MAP3K13: variants seen among roughly 807,000 people sequenced by gnomAD.
The protein encoded by MAP3K13 is leucine zipper-bearing kinase.
Under a neutral mutation model 104.0 loss-of-function variants are expected in MAP3K13, and 52 were observed. The ratio of observed to expected loss-of-function variants is 0.50; its 90% CI spans 0.40 to 0.63. MAP3K13 has a LOEUF of 0.63. Among genes scored for constraint, MAP3K13 ranks in the 20% least tolerant of loss-of-function variants. MAP3K13 has a pLI of 0.00. For missense variants in MAP3K13, 914 were observed against 1,218.5 expected (o/e 0.75, Z 3.72); for synonymous variants, 394 against 442.2 (o/e 0.89, Z 1.37).
chr3:185,468,302 T>C (rs1717578216), intron 10 of MAP3K13, among the ~76,000 whole-genome samples: 2 of 152,228 alleles, frequency 1.3e-5, no homozygotes, highest in South Asian at 4.1e-4. Context: ...AGTTTAAATA[T>C]GATAACATGT....
chr3:185,400,808 GTTT>G (rs35104274), intron 1 of MAP3K13, among the ~76,000 whole-genome samples: 20 of 132,276 alleles, frequency 1.5e-4, no homozygotes, highest in South Asian at 1.2e-3. Context: ...GCTGCTAGGT[GTTT>G]TTTTTTTTTT....
At chr3:185,349,120 C>G (rs1723042744) in intron 2 of MAP3K13, among the ~76,000 whole-genome samples, 1 of 151,216 alleles carries the variant, frequency 6.6e-6, no homozygotes, top group Non-Finnish European at 1.5e-5. Context: ...TCCATTTCTA[C>G]TTATTCTTTT....
chr3:185,344,102 T>C (rs1244774352), intron 2 of MAP3K13, among the ~76,000 whole-genome samples: 1 of 152,252 alleles, frequency 6.6e-6, no homozygotes, highest in African/African-American at 2.4e-5. Context: ...GGCCCTTTGC[T>C]AGATGCTACC....
chr3:185,341,109 TC>T (rs552729749), intron 2 of MAP3K13, among the ~76,000 whole-genome samples: 4 of 151,944 alleles, frequency 2.6e-5, no homozygotes, highest in Non-Finnish European at 5.9e-5. Context: ...CCAAATAGTG[TC>T]CCCCCAAAAT....
chr3:185,417,706 G>A, intron 1 of MAP3K13: 2 of 1,612,614 alleles, frequency 1.2e-6, no homozygotes, highest in African/African-American at 1.3e-5. Context: ...TAGTGCTGCT[G>A]CTGCAGCAGC....
In MAP3K13 at chr3:185,487,949, CA is replaced by C. The variant is rs2148936298; in HGVS notation, c.*5494del. On this transcript the variant is annotated 3_prime_UTR_variant, in exon 14 of 14. Transcript: ENST00000265026. ...CGCACTAGTGTCCACCTGTGGCTGT[CA>C]GGGGCGGTACCACAGAAAGGGGAAA... 6.6e-6 allele frequency: 1 copy of C among 152,330 alleles called. No individual in the cohort carries two copies. Among genetic ancestry groups the C allele is most frequent in the Admixed American group, 6.5e-5 (1 of 15,308 alleles). The allele number at this position is 152,330 out of a possible 1,614,324, so 9.4% of individuals were successfully genotyped here.
At position 185,483,219 on chromosome 3, in the gene MAP3K13, G is replaced by A. The variant is rs1018497848; in HGVS notation, c.*763G>A. 1 of 232,892 alleles carries A rather than the reference G, an allele frequency of 4.3e-6. No individual in the cohort carries two copies. Among genetic ancestry groups the A allele is most frequent in the Non-Finnish European group, 8.5e-6 (1 of 117,900 alleles). 14.4% of individuals were successfully genotyped at this position (232,892 alleles called of 1,614,324 possible). On this transcript the variant is annotated 3_prime_UTR_variant, in exon 14 of 14. Transcript: ENST00000265026. ...GCTGGTTTCATTTTTAAATGTTTAA[G>A]CAGCAGTTGGTAGTGAGGTTTACAG...
chr3:185,418,076 G>C lies in MAP3K13; in HGVS notation c.-85-10421G>C, dbSNP rs1297805183. 1.5e-5 allele frequency: 24 copies of C among 1,611,712 alleles called. No individual in the cohort carries two copies. The South Asian group carries it at 1.8e-4, about 12-fold the overall frequency. Reference sequence around the variant, plus strand: ...CCAGGAGCAAGCTTCAAAATGTTCAGCTTGCTTACATTAAGCAGAGTAATT... The same window carrying C: ...CCAGGAGCAAGCTTCAAAATGTTCACCTTGCTTACATTAAGCAGAGTAATT... On this transcript the variant is annotated intron_variant, in intron 1 of 13. Coordinates refer to ENST00000265026, the MANE Select transcript of MAP3K13 (RefSeq NM_004721.5). The surrounding 1 kb of genome is among the most constrained non-coding windows in gnomAD (Gnocchi z 4.5).
chr3:185,310,029 A>G (rs976381834), intron 2 of MAP3K13, among the ~76,000 whole-genome samples: 2 of 152,208 alleles, frequency 1.3e-5, no homozygotes, highest in African/African-American at 4.8e-5. Context: ...AGGGACAAGG[A>G]TGGAGAGAGA....
chr3:185,406,886 G>T (rs1217996492), intron 1 of MAP3K13, among the ~76,000 whole-genome samples: 1 of 152,124 alleles, frequency 6.6e-6, no homozygotes, highest in Non-Finnish European at 1.5e-5. Context: ...TGCTAGGCAA[G>T]TAAAAAGGGG....
chr3:185,405,521 A>G (rs1198005183), intron 1 of MAP3K13, among the ~76,000 whole-genome samples: 1 of 152,170 alleles, frequency 6.6e-6, no homozygotes, highest in East Asian at 1.9e-4. Context: ...GGAAAATGCT[A>G]TTTATTTTCT....
chr3:185,328,365 TC>T (rs1401992331), intron 2 of MAP3K13, among the ~76,000 whole-genome samples: 1 of 152,170 alleles, frequency 6.6e-6, no homozygotes, highest in Non-Finnish European at 1.5e-5. Flanking sequence ...AAAAGGAGCC[TC>T]AGCCTCCCGA....
chr3:185,330,907 C>T (rs144446282), intron 2 of MAP3K13, among the ~76,000 whole-genome samples: 100 of 152,144 alleles, frequency 6.6e-4, no homozygotes, highest in African/African-American at 2.4e-3. Flanking sequence ...ACACATCAGA[C>T]CTGCTCTTGC....
chr3:185,397,050 A>G (rs1349982787), intron 1 of MAP3K13, among the ~76,000 whole-genome samples: 1 of 145,706 alleles, frequency 6.9e-6, no homozygotes, highest in Non-Finnish European at 1.5e-5. Flanking sequence ...TTTTTTTTTC[A>G]TGGTTTCCAG....
intron 1 of MAP3K13, among the ~76,000 whole-genome samples, chr3:185,284,425 A>G (rs1720430378): frequency 6.6e-6 from 1 of 152,170 alleles, no homozygotes; most frequent in Non-Finnish European, 1.5e-5. Context: ...TAAATGTGAT[A>G]AAGTGTGGGG....
chr3:185,465,878 T>G lies in MAP3K13; in HGVS notation c.1505+15T>G, dbSNP rs114102742. The G allele has an allele frequency of 6.5e-7, 1 of 1,548,966 alleles. No individual in the cohort carries two copies. Among genetic ancestry groups the G allele is most frequent in the Non-Finnish European group, 8.9e-7 (1 of 1,120,856 alleles). ...GAGCTCATTAAGTATGTATCCAGAC[T>G]AGTGTCTGTTCTTACTGATTTGAGT... On this transcript the variant is annotated intron_variant, in intron 9 of 13. Coordinates refer to ENST00000265026, the MANE Select transcript of MAP3K13 (RefSeq NM_004721.5).
chr3:185,406,260 C>A (rs778642161), intron 1 of MAP3K13, among the ~76,000 whole-genome samples: 36 of 152,128 alleles, frequency 2.4e-4, no homozygotes, highest in Non-Finnish European at 4.3e-4. Context: ...TAGTTCCCAG[C>A]CATTCTTTTT....
chr3:185,283,961 C>A (rs4077623), intron 1 of MAP3K13, among the ~76,000 whole-genome samples: 6 of 140,032 alleles, frequency 4.3e-5, no homozygotes, highest in Non-Finnish European at 6.1e-5. Context: ...AGTACAGTGG[C>A]GATCTCGGCT....
intron 2 of MAP3K13, among the ~76,000 whole-genome samples, chr3:185,305,251 A>G (rs1390155366): frequency 6.6e-6 from 1 of 151,732 alleles, no homozygotes; most frequent in Non-Finnish European, 1.5e-5. Context: ...ATGCTTTGAC[A>G]CCTTTCTCAC....
Sources: gnomAD v4.1 joint callset for allele counts (sites outside exome capture counted in the v4.1 genomes callset) on GRCh38, gnomAD v4.1.1 for gene constraint, Gnocchi (gnomAD v3.1) non-coding constraint, MANE v1.5 for transcripts, NCBI Gene and HGNC (gene_info 2026-07-23, HGNC 2026-07-21) for gene names.